The following DPP10 variants were observed in gnomAD, a reference collection of about 807,000 sequenced individuals.
DPP10 encodes dipeptidyl peptidase like 10.
Under a neutral mutation model 120.9 loss-of-function variants are expected in DPP10, and 33 were observed. That is an observed-to-expected ratio of 0.27 (90% CI 0.21 to 0.37). The LOEUF is 0.37. Ranked by LOEUF, DPP10 falls within the 10% of genes least tolerant of loss-of-function variation. The pLI is 1.00. For missense variants in DPP10, 816 were observed against 942.8 expected (o/e 0.87, Z 1.76); for synonymous variants, 337 against 326.1 (o/e 1.03, Z -0.36).
intron 1 of DPP10, among the ~76,000 whole-genome samples, chr2:114,553,030 T>G (rs1399326997): frequency 6.6e-6 from 1 of 152,212 alleles, no homozygotes; most frequent in Non-Finnish European, 1.5e-5. Flanking sequence ...TCACCAGCTC[T>G]CAGTCAATGC....
intron 1 of DPP10, among the ~76,000 whole-genome samples, chr2:114,993,317 A>G (rs1700855307): frequency 6.6e-6 from 1 of 151,378 alleles, no homozygotes. Context: ...CTTACTTGTC[A>G]TTGCATATCT....
chr2:114,957,740 A>G (rs966865966), intron 1 of DPP10, among the ~76,000 whole-genome samples: 2 of 152,252 alleles, frequency 1.3e-5, no homozygotes, highest in Non-Finnish European at 2.9e-5. Flanking sequence ...TAGTGTACAT[A>G]TATCAATTAA....
At chr2:115,221,658 A>G (rs933282739) in intron 1 of DPP10, among the ~76,000 whole-genome samples, 1 of 152,070 alleles carries the variant, frequency 6.6e-6, no homozygotes, top group African/African-American at 2.4e-5. Context: ...AGCATTATTC[A>G]ATACAATCAT....
chr2:115,748,230 T>A (rs201211277), intron 10 of DPP10, among the ~76,000 whole-genome samples: 1 of 28,790 alleles, frequency 3.5e-5, no homozygotes, highest in Admixed American at 5.7e-4. Flanking sequence ...TGTTTATGGG[T>A]TTTTTTTTTT....
intron 3 of DPP10, among the ~76,000 whole-genome samples, chr2:115,435,045 T>C (rs843409): frequency 0.07 from 4,671 of 66,798 alleles, 237 homozygotes; most frequent in African/African-American, 0.18. Context: ...TCTATACACA[T>C]GCACACATAT....
chr2:115,337,261 C>A (rs1237163702), intron 2 of DPP10, among the ~76,000 whole-genome samples: 1 of 151,888 alleles, frequency 6.6e-6, no homozygotes, highest in Admixed American at 6.6e-5. Context: ...TGCTAATAAG[C>A]TCCAGAGGGG....
At chr2:115,171,743 G>C (rs1189557001) in intron 1 of DPP10, among the ~76,000 whole-genome samples, 1 of 151,150 alleles carries the variant, frequency 6.6e-6, no homozygotes, top group Non-Finnish European at 1.5e-5. Flanking sequence ...AAAAAAACAA[G>C]TTTTAAAATG....
intron 1 of DPP10, among the ~76,000 whole-genome samples, chr2:114,690,547 A>G (rs1445778567): frequency 1.3e-5 from 2 of 152,098 alleles, no homozygotes; most frequent in Non-Finnish European, 1.5e-5. Flanking sequence ...TCTTTTGCTT[A>G]GGATTGTCTT....
chr2:114,749,548 C>CTTTTA (rs374862583), intron 1 of DPP10, among the ~76,000 whole-genome samples: 14,912 of 125,518 alleles, frequency 0.12, 1,086 homozygotes, highest in African/African-American at 0.16. Context: ...TCTAGCACTG[C>CTTTTA]TTTTATTTTA....
intron 5 of DPP10, chr2:115,579,130 G>C (rs1435073281): frequency 6.6e-6 from 1 of 152,196 alleles, no homozygotes. Context: ...AATGGAGACA[G>C]AGTTGCTTAT....
intron 5 of DPP10, among the ~76,000 whole-genome samples, chr2:115,554,038 C>G (rs1158183987): frequency 1.4e-5 from 2 of 141,376 alleles, no homozygotes; most frequent in African/African-American, 2.8e-5. Flanking sequence ...CACACACACA[C>G]ACACCAAATT....
chr2:114,569,437 A>G (rs1689452683), intron 1 of DPP10, among the ~76,000 whole-genome samples: 1 of 148,266 alleles, frequency 6.7e-6, no homozygotes, highest in Non-Finnish European at 1.5e-5. Context: ...GACGCTCTGA[A>G]CAAGCAAATG....
intron 1 of DPP10, among the ~76,000 whole-genome samples, chr2:115,301,071 T>G (rs2061106536): frequency 6.6e-6 from 1 of 152,020 alleles, no homozygotes; most frequent in Admixed American, 6.6e-5. Flanking sequence ...TGTGGTGTTC[T>G]CTCCCAATTT....
chr2:114,574,556 A>G (rs1042369625), intron 1 of DPP10, among the ~76,000 whole-genome samples: 6 of 152,182 alleles, frequency 3.9e-5, no homozygotes, highest in African/African-American at 1.2e-4. Context: ...TTAAGTCATA[A>G]TCGCACCTGA....
intron 1 of DPP10, among the ~76,000 whole-genome samples, chr2:114,864,226 G>T (rs1226145219): frequency 2.0e-5 from 3 of 152,070 alleles, no homozygotes; most frequent in Non-Finnish European, 4.4e-5. Context: ...CTCTTTGGTG[G>T]TGTAGATTTA....
chr2:115,382,083 A>G (rs1199337123), intron 3 of DPP10, among the ~76,000 whole-genome samples: 1 of 152,116 alleles, frequency 6.6e-6, no homozygotes, highest in Non-Finnish European at 1.5e-5. Flanking sequence ...GGCTCCACCC[A>G]GTTCAGTTGG....
At chr2:114,604,455 T>C (rs894541256) in intron 1 of DPP10, among the ~76,000 whole-genome samples, 3 of 152,038 alleles carry the variant, frequency 2.0e-5, no homozygotes, top group Non-Finnish European at 4.4e-5. Flanking sequence ...AGGAAACAGA[T>C]GGAGTTTTGC....
chr2:114,729,203 A>T (rs577156375), intron 1 of DPP10, among the ~76,000 whole-genome samples: 22 of 152,382 alleles, frequency 1.4e-4, no homozygotes, highest in African/African-American at 5.3e-4. Context: ...AATGCATTCA[A>T]CCAAAAGCAA....
chr2:115,050,926 A>C (rs1213118259), intron 1 of DPP10, among the ~76,000 whole-genome samples: 1 of 152,222 alleles, frequency 6.6e-6, no homozygotes, highest in African/African-American at 2.4e-5. Flanking sequence ...TTGACCACAC[A>C]TGACAAAGAA....
Sources: gnomAD v4.1 joint callset for allele counts (sites outside exome capture counted in the v4.1 genomes callset) on GRCh38, gnomAD v4.1.1 for gene constraint, MANE v1.5 for transcripts, NCBI Gene and HGNC (gene_info 2026-07-23, HGNC 2026-07-21) for gene names.